The following MIDEAS variants were observed in gnomAD, a reference collection of about 807,000 sequenced individuals.
MIDEAS encodes mitotic deacetylase-associated SANT domain protein.
MIDEAS carries 26 observed loss-of-function variants against 102.7 expected under a neutral mutation model. The observed-to-expected ratio is 0.25, with a 90% confidence interval of 0.19 to 0.35. The LOEUF (loss-of-function observed/expected upper bound fraction) is 0.35, where lower values mean the gene tolerates loss of function less well. Ranked by LOEUF, MIDEAS falls within the 10% of genes least tolerant of loss-of-function variation. The probability of loss-of-function intolerance (pLI) is 1.00; values close to 1 mark genes in which losing one functional copy is unlikely to be tolerated. For missense variants in MIDEAS, 1,231 were observed against 1,435.6 expected, an observed-to-expected ratio of 0.86 and a Z score of 2.30; for synonymous variants, 585 against 591.0, an observed-to-expected ratio of 0.99 and a Z score of 0.15.
chr14:73,750,529 G>A lies in MIDEAS; in HGVS notation c.-248+9234C>T, dbSNP rs1595279157. On this transcript the variant is annotated intron_variant, in intron 1 of 12. Coordinates refer to ENST00000423556, the MANE Select transcript of MIDEAS (RefSeq NM_001367710.1). Reference sequence around the variant, plus strand: ...AAGCCAAGAGAGCCCAAAGGGTGTTGAGGTATGGGGGACTGCAGAGGTGAG... The same window carrying A: ...AAGCCAAGAGAGCCCAAAGGGTGTTAAGGTATGGGGGACTGCAGAGGTGAG... Among the ~76,000 whole-genome samples the A allele has an allele frequency of 2.0e-5, 3 of 152,340 alleles. No homozygotes were observed. The South Asian group carries it at 6.2e-4, about 32-fold the overall frequency.
At chr14:73,787,338 C>G (rs1354862467), upstream of MIDEAS, 2 of 150,990 alleles carry the variant, frequency 1.3e-5, no homozygotes, top group Non-Finnish European at 3.0e-5. Flanking sequence ...TGGCCCCAGG[C>G]GCCGTCTCCC....
intron 2 of MIDEAS, among the ~76,000 whole-genome samples, chr14:73,737,834 T>C (rs1046783676): frequency 2.0e-5 from 3 of 148,060 alleles, no homozygotes; most frequent in Non-Finnish European, 3.0e-5. Flanking sequence ...CAGGTTGTAG[T>C]GCAGTGGCAC....
chr14:73,725,186 G>A lies in MIDEAS; in HGVS notation c.2574+86C>T. ...TAGCATTGACCTGACTGCTTTTTAA[G>A]AGGGATTGGTCACTGGCAGAGGGAG... On this transcript the variant is annotated intron_variant, in intron 9 of 12. Coordinates refer to ENST00000423556, the MANE Select transcript of MIDEAS (RefSeq NM_001367710.1). The surrounding 1 kb of genome is among the most constrained non-coding windows in gnomAD (Gnocchi z 4.1). The A allele has an allele frequency of 2.0e-6, 2 of 1,009,580 alleles. No individual in the cohort carries two copies. Among genetic ancestry groups the A allele is most frequent in the South Asian group, 1.3e-5 (1 of 77,696 alleles). 62.5% of individuals were successfully genotyped at this position (1,009,580 alleles called of 1,614,324 possible). A position where few individuals can be genotyped will look rare whatever the true frequency, so the allele number is the denominator to read the frequency against.
chr14:73,729,781 G>A lies in MIDEAS; in HGVS notation c.1954C>T (p.Pro652Ser). 1.2e-6 allele frequency: 2 copies of A among 1,612,440 alleles called. No homozygotes were observed. Among genetic ancestry groups the A allele is most frequent in the Non-Finnish European group, 1.7e-6 (2 of 1,179,472 alleles). Reference sequence around the variant, plus strand: ...AGGATGGGGGGCGGCGTGTAGGGAGGTAGCTCAAAGCTCCGCTCAGAGGGG... The same window carrying A: ...AGGATGGGGGGCGGCGTGTAGGGAGATAGCTCAAAGCTCCGCTCAGAGGGG... ...DHPSERSFEL[P>S]PYTPPPILSP... The change falls in exon 4 of 13, where the codon CCT (proline) becomes TCT (serine). Residue 652 changes from proline (P) to serine (S), a missense_variant. Pro to Ser is a moderately conservative substitution (Grantham distance 74). This residue lies in a region of MIDEAS where 758 missense variants were observed against 856.0 expected (regional missense o/e 0.89). Transcript: ENST00000423556.
rs1595254587 is a variant in MIDEAS, at chr14:73,725,662, T to C, written c.2486-302A>G. 6.6e-6 allele frequency among the ~76,000 whole-genome samples: 1 copy of C among 152,206 alleles called. No homozygotes were observed. Among genetic ancestry groups the C allele is most frequent in the Admixed American group, 6.5e-5 (1 of 15,288 alleles). ...TAACATGCATGGAAAACATTGGCTGTTAGGATTATGTGACTCGGTCCATGT... is the reference window on the plus strand; with the variant it reads ...TAACATGCATGGAAAACATTGGCTGCTAGGATTATGTGACTCGGTCCATGT... On this transcript the variant is annotated intron_variant, in intron 8 of 12. Transcript: ENST00000423556. The surrounding 1 kb of genome is among the most constrained non-coding windows in gnomAD (Gnocchi z 4.1).
Position 73,747,969 on chromosome 14 carries a change from T to C in MIDEAS, c.-247-7714A>G, listed in dbSNP as rs750029266. ...GGCTCTTACCACGCCTGGGACCCAA[T>C]TGAGTGCCCATGTTTACTGAGCACT... On this transcript the variant is annotated intron_variant, in intron 1 of 12. Coordinates refer to ENST00000423556, the MANE Select transcript of MIDEAS (RefSeq NM_001367710.1). Among the ~76,000 whole-genome samples, 19 of 152,284 alleles carry C rather than the reference T, an allele frequency of 1.2e-4. 1 individual carries two copies. The highest frequency in any genetic ancestry group is 6.2e-4 in the South Asian group (3 of 4,830).
chr14:73,787,778 G>T (rs1052897324), upstream of MIDEAS, among the ~76,000 whole-genome samples: 1 of 152,168 alleles, frequency 6.6e-6, no homozygotes, highest in Non-Finnish European at 1.5e-5. Context: ...TGAGCAAGAC[G>T]TTTACCACGT....
intron 1 of MIDEAS, among the ~76,000 whole-genome samples, chr14:73,758,518 T>G (rs994048535): frequency 6.6e-6 from 1 of 151,672 alleles, no homozygotes; most frequent in Non-Finnish European, 1.5e-5. Context: ...ATCCCCTCCC[T>G]CCCCCAGCCG....
At chr14:73,768,911 T>C (rs1050020688) in intron 1 of MIDEAS, among the ~76,000 whole-genome samples, 1 of 152,212 alleles carries the variant, frequency 6.6e-6, no homozygotes, top group East Asian at 1.9e-4. Context: ...GGAGGGTTGC[T>C]TAGGTGGGAT....
rs1414525582 is a variant in MIDEAS at position 73,760,256 on chromosome 14, G to GCGCGGCAC, written c.-749_-742dup. On this transcript the variant is annotated 5_prime_UTR_variant, in exon 1 of 13. Coordinates refer to ENST00000423556, the MANE Select transcript of MIDEAS (RefSeq NM_001367710.1). The surrounding 1 kb of genome is among the most constrained non-coding windows in gnomAD (Gnocchi z 4.8). ...GGAGCGCCCAGCGGCCGGCCGGCGCGCGCGGCACCGCGGCGAGCAGGAACC... is the reference window on the plus strand; with the variant it reads ...GGAGCGCCCAGCGGCCGGCCGGCGCGCGCGGCACCGCGGCACCGCGGCGAGCAGGAACC... 2.6e-5 allele frequency: 4 copies of GCGCGGCAC among 152,306 alleles called. No individual in the cohort carries two copies. In the East Asian group the frequency reaches 5.8e-4, roughly 22 times the overall value. The allele number at this position is 152,306 out of a possible 1,614,324, so 9.4% of individuals were successfully genotyped here.
chr14:73,749,006 A>G (rs1204136384), intron 1 of MIDEAS, among the ~76,000 whole-genome samples: 1 of 152,150 alleles, frequency 6.6e-6, no homozygotes, highest in Non-Finnish European at 1.5e-5. Flanking sequence ...ACTTTTTTTC[A>G]TGTTATTTTA....
chr14:73,778,706 T>G (rs2053715771), intron 1 of MIDEAS, among the ~76,000 whole-genome samples: 1 of 151,954 alleles, frequency 6.6e-6, no homozygotes, highest in Non-Finnish European at 1.5e-5. Context: ...GCCCTTACTG[T>G]AAAGTGTCTG....
chr14:73,741,941 G>A (rs2140128629), intron 1 of MIDEAS, among the ~76,000 whole-genome samples: 1 of 152,248 alleles, frequency 6.6e-6, no homozygotes, highest in Non-Finnish European at 1.5e-5. Flanking sequence ...GGGAGTGGGG[G>A]GATTTGGACA....
intron 1 of MIDEAS, among the ~76,000 whole-genome samples, chr14:73,756,287 TGTGTGTGTGC>T (rs1271815961): frequency 2.0e-5 from 2 of 99,706 alleles, no homozygotes; most frequent in African/African-American, 7.6e-5. Flanking sequence ...TGTGTGTGTG[TGTGTGTGTGC>T]GCGCGCGCGT....
intron 1 of MIDEAS, among the ~76,000 whole-genome samples, chr14:73,743,717 A>G (rs2053311984): frequency 6.6e-6 from 1 of 152,114 alleles, no homozygotes; most frequent in Admixed American, 6.5e-5. Flanking sequence ...AGGGAAGAGG[A>G]TGTCATGAGG....
chr14:73,753,153 G>A (rs964536577), intron 1 of MIDEAS, among the ~76,000 whole-genome samples: 1 of 152,216 alleles, frequency 6.6e-6, no homozygotes, highest in African/African-American at 2.4e-5. Flanking sequence ...GCAGTCCCCA[G>A]GCCCACAGCT....
chr14:73,786,285 G>A (rs905482877), intron 1 of MIDEAS, among the ~76,000 whole-genome samples: 5 of 152,182 alleles, frequency 3.3e-5, no homozygotes, highest in African/African-American at 4.8e-5. Flanking sequence ...AGGCTACCGA[G>A]GGCGACGGGA....
Position 73,725,138 on chromosome 14 carries a change from A to T in MIDEAS, c.2574+134T>A. ...CTTTCTCTTTCTTGTATTGTTTAGG[A>T]AATTCTCTCTGAGGCTACTCAGTAG... On this transcript the variant is annotated intron_variant, in intron 9 of 12. Transcript: ENST00000423556. This position sits in a 1 kb window ranked among gnomAD's most constrained non-coding sequence, Gnocchi z 4.1. The T allele has an allele frequency of 1.4e-6, 1 of 700,854 alleles. No individual in the cohort carries two copies. The highest frequency in any genetic ancestry group is 2.6e-6 in the Non-Finnish European group (1 of 386,734). 43.4% of individuals were successfully genotyped at this position (700,854 alleles called of 1,614,324 possible). A position where few individuals can be genotyped will look rare whatever the true frequency, so the allele number is the denominator to read the frequency against.
In MIDEAS at chr14:73,720,942, A is replaced by G. The variant is rs181295426; in HGVS notation, c.2937+355T>C. Among the ~76,000 whole-genome samples, 638 of 152,190 alleles carry G rather than the reference A, an allele frequency of 4.2e-3. 6 individuals are homozygous for G. The highest frequency in any genetic ancestry group is 0.015 in the African/African-American group (609 of 41,520). ...GGGGAGCCCTGTCTGCAAACCACCA[A>G]TGCTCCCTCAGTGACCCACATACCT... On this transcript the variant is annotated intron_variant, in intron 11 of 12. Coordinates refer to ENST00000423556, the MANE Select transcript of MIDEAS (RefSeq NM_001367710.1).
Sources: gnomAD v4.1 joint callset for allele counts (sites outside exome capture counted in the v4.1 genomes callset) on GRCh38, gnomAD v4.1.1 for gene constraint, gnomAD v4.1.1 regional missense constraint, Gnocchi (gnomAD v3.1) non-coding constraint, MANE v1.5 for transcripts, NCBI Gene and HGNC (gene_info 2026-07-23, HGNC 2026-07-21) for gene names.